The following DEPDC1 variants were observed in gnomAD, a reference collection of about 807,000 sequenced individuals.
DEPDC1 encodes DEP domain containing 1.
A neutral mutation model predicts 86.8 loss-of-function variants in DEPDC1; 66 were observed. The observed-to-expected ratio is 0.76, with a 90% CI of 0.62 to 0.93. DEPDC1 has a LOEUF of 0.93. DEPDC1 is among the 40% of genes least tolerant of loss of function. DEPDC1 has a pLI of 0.00. For missense variants in DEPDC1, 792 were observed against 935.7 expected (o/e 0.85, Z 2.00); for synonymous variants, 255 against 314.9 (o/e 0.81, Z 2.02).
chr1:68,487,458 A>G (rs1170144382), intron 5 of DEPDC1, among the ~76,000 whole-genome samples: 1 of 151,946 alleles, frequency 6.6e-6, no homozygotes, highest in Non-Finnish European at 1.5e-5. Context: ...AAATCTTTCG[A>G]GTGCCACTAA....
intron 6 of DEPDC1, among the ~76,000 whole-genome samples, chr1:68,484,954 A>ATATATATT (rs1553156028): frequency 1.4e-4 from 21 of 150,986 alleles, no homozygotes; most frequent in Admixed American, 4.0e-4. Flanking sequence ...ATATATATAT[A>ATATATATT]TTTTTTAAAG....
At position 68,486,972 on chromosome 1, in the gene DEPDC1, T is replaced by G; in HGVS notation, c.734A>C (p.His245Pro). The part of the protein sequence containing the change: ...ILQNKSDDLP[H>P]WVLSAMKCLA... ...GCACTTCATGGCAGATAATACCCAG[T>G]GAGGGAGGTCATCTACACAAAAAGA... The change falls in exon 6 of 12, where the codon CAC (histidine) becomes CCC (proline). Residue 245 changes from histidine to proline, a missense_variant. Coordinates refer to ENST00000456315, the MANE Select transcript of DEPDC1 (RefSeq NM_001114120.3). The G allele has an allele frequency of 1.9e-6, 3 of 1,598,568 alleles. No individual in the cohort carries two copies. Among genetic ancestry groups the G allele is most frequent in the Non-Finnish European group, 2.6e-6 (3 of 1,173,844 alleles).
rs1421806559 is a variant in DEPDC1 at position 68,496,624 on chromosome 1, AGCG to A, written c.48+325_48+327del. The A allele has an allele frequency of 3.4e-6, 1 of 293,286 alleles. No homozygotes were observed. The highest frequency in any genetic ancestry group is 2.2e-5 in the African/African-American group (1 of 46,226). 18.2% of individuals were successfully genotyped at this position (293,286 alleles called of 1,614,324 possible). A position where few individuals can be genotyped will look rare whatever the true frequency, so the allele number is the denominator to read the frequency against. On this transcript the variant is annotated intron_variant, in intron 1 of 11. Coordinates refer to ENST00000456315, the MANE Select transcript of DEPDC1 (RefSeq NM_001114120.3). This position sits in a 1 kb window ranked among gnomAD's most constrained non-coding sequence, Gnocchi z 4.0. ...GGCGGGTAGAAAATCAGGCGAGGTG[AGCG>A]GCCAAATCGGAATATTCTAAGACGC...
chr1:68,490,402 C>T (rs568743261), intron 2 of DEPDC1, among the ~76,000 whole-genome samples: 38 of 152,058 alleles, frequency 2.5e-4, no homozygotes, highest in Non-Finnish European at 4.3e-4. Flanking sequence ...TTGCCTCCAC[C>T]TCCATCTATG....
chr1:68,481,507 A>G lies in DEPDC1; in HGVS notation c.1868T>C (p.Met623Thr). ...AACATTTTGACTCATTCGGGAAATC[A>G]TACGCATTAAAAGTTGAAGCTTTCT... is the stretch of plus-strand genomic sequence containing the variant. ...NRRKLQLLMR[M>T]ISRMSQNVDM... The change falls in exon 9 of 12, where the codon ATG becomes ACG. Residue 623 changes from methionine to threonine, a missense_variant. Met to Thr is a moderately conservative substitution (Grantham distance 81, BLOSUM62 -1). Coordinates refer to ENST00000456315, the MANE Select transcript of DEPDC1 (RefSeq NM_001114120.3). 2 of 1,612,526 alleles carry G rather than the reference A, an allele frequency of 1.2e-6. No individual in the cohort carries two copies. Among genetic ancestry groups the G allele is most frequent in the Non-Finnish European group, 1.7e-6 (2 of 1,179,086 alleles).
intron 2 of DEPDC1, among the ~76,000 whole-genome samples, chr1:68,491,588 T>TA (rs1557622605): frequency 6.6e-6 from 1 of 151,976 alleles, no homozygotes; most frequent in Admixed American, 6.6e-5. Flanking sequence ...ACTCCTTTTT[T>TA]AAAAAAAATG....
intron 1 of DEPDC1, among the ~76,000 whole-genome samples, chr1:68,494,925 C>T (rs113533233): frequency 0.011 from 1,646 of 152,146 alleles, 32 homozygotes; most frequent in African/African-American, 0.038. Context: ...GGTGGATCAC[C>T]GGAGGTCGGG....
rs1395678207 is a variant in DEPDC1 at position 68,494,454 on chromosome 1, A to G, written c.290T>C (p.Val97Ala). Residue 97 changes from valine (V) to alanine (A), a missense_variant, in exon 2 of 12, where the codon GTT (valine) becomes GCT (alanine). Transcript: ENST00000456315. ...CCTGAAGAGCTGGTTGTTATCATCA[A>G]CATTTTCTGATCCCCACCTCCCTTT... Reference protein sequence around the residue: ...DIKGRWGSENVDDNNQLFRFP... With the variant: ...DIKGRWGSENADDNNQLFRFP... 4.3e-6 allele frequency: 7 copies of G among 1,613,538 alleles called. No individual in the cohort carries two copies. Among genetic ancestry groups the G allele is most frequent in the Admixed American group, 1.7e-5 (1 of 59,984 alleles).
intron 2 of DEPDC1, among the ~76,000 whole-genome samples, chr1:68,492,303 T>C (rs1239466095): frequency 6.6e-6 from 1 of 152,220 alleles, no homozygotes; most frequent in Non-Finnish European, 1.5e-5. Flanking sequence ...ACAGGGTATC[T>C]TTCTCCATTT....
chr1:68,482,342 A>T lies in DEPDC1; in HGVS notation c.1466T>A (p.Leu489Ter), dbSNP rs1646162401. The T allele has an allele frequency of 6.2e-7, 1 of 1,612,932 alleles. No homozygotes were observed. Among genetic ancestry groups the T allele is most frequent in the South Asian group, 1.1e-5 (1 of 91,060 alleles). The change falls in exon 8 of 12, where the codon TTG (leucine) becomes TAG (stop). Residue 489 changes from leucine (L) to a stop codon, truncating the protein, a stop_gained. Transcript: ENST00000456315. LOFTEE classifies it high-confidence loss of function. ...CAACTCCTCTTGGTCTTGAACAGTC[A>T]AAGTAGAGGTTCTCTTAAAACCAGC... ...FSAGFKRTST[L>*]TVQDQEELCN...
At position 68,493,830 on chromosome 1, in the gene DEPDC1, C is replaced by T. The variant is rs186728583; in HGVS notation, c.314+600G>A. Among the ~76,000 whole-genome samples, 18 of 152,208 alleles carry T rather than the reference C, an allele frequency of 1.2e-4. No individual in the cohort carries two copies. The East Asian group carries it at 3.5e-3, about 29-fold the overall frequency. On this transcript the variant is annotated intron_variant, in intron 2 of 11. Transcript: ENST00000456315. ...TCCCAGGCTCAAGCAGTTCTCGTGCCTCAGTCTCAGGTGTGTGCTACTACA... is the reference window on the plus strand; with the variant it reads ...TCCCAGGCTCAAGCAGTTCTCGTGCTTCAGTCTCAGGTGTGTGCTACTACA...
Position 68,482,059 on chromosome 1 carries a change from C to T in DEPDC1, c.1749G>A (p.Leu583=). The change falls in exon 8 of 12, where the codon TTG becomes TTA. Residue 583 remains leucine (L), a synonymous_variant. Coordinates refer to ENST00000456315, the MANE Select transcript of DEPDC1 (RefSeq NM_001114120.3). Reference sequence around the variant, plus strand: ...CAACAGCCTTACTTTGTGTGCCAGTCAACATAGAAGAAGCTGGAAGTAAAG... The same window carrying T: ...CAACAGCCTTACTTTGTGTGCCAGTTAACATAGAAGAAGCTGGAAGTAAAG... ...ENSLLPASSM[L]TGTQSLLQPH... The T allele has an allele frequency of 2.5e-6, 4 of 1,590,716 alleles. No homozygotes were observed. Among genetic ancestry groups the T allele is most frequent in the Non-Finnish European group, 3.4e-6 (4 of 1,171,106 alleles).
At chr1:68,490,722 C>A (rs1646223954) in intron 2 of DEPDC1, among the ~76,000 whole-genome samples, 1 of 152,040 alleles carries the variant, frequency 6.6e-6, no homozygotes, top group South Asian at 2.1e-4. Context: ...GCCCAAATAG[C>A]CAAGGCTATC....
chr1:68,489,657 C>A, intron 2 of DEPDC1, 49 bp from the exon 3 acceptor site: 1 of 1,387,884 alleles, frequency 7.2e-7, no homozygotes, highest in Non-Finnish European at 9.7e-7. Context: ...TAGAAACAAA[C>A]TTTTAGAGCC....
chr1:68,489,376 ATTTACT>A, intron 3 of DEPDC1, 70 bp downstream of exon 3: 1 of 1,068,806 alleles, frequency 9.4e-7, no homozygotes, highest in Non-Finnish European at 1.3e-6. Context: ...TTAAAGAATA[ATTTACT>A]TTTAATGATT....
At chr1:68,481,968 G>A in intron 8 of DEPDC1, 78 bp downstream of exon 8, 1 of 1,393,614 alleles carries the variant, frequency 7.2e-7, no homozygotes, top group Non-Finnish European at 9.5e-7. Flanking sequence ...CTTCAAGGAA[G>A]AAAAGCCAGG....
chr1:68,494,152 T>C (rs1646247590), intron 2 of DEPDC1, among the ~76,000 whole-genome samples: 1 of 152,210 alleles, frequency 6.6e-6, no homozygotes. Flanking sequence ...TAAAATGTTA[T>C]AAAGTGTTCA....
intron 6 of DEPDC1, 105 bp from the exon 7 acceptor site, chr1:68,484,195 T>A: frequency 1.2e-6 from 1 of 833,840 alleles, no homozygotes. Context: ...GAGCTAGGTT[T>A]AACAACAAAT....
intron 1 of DEPDC1, among the ~76,000 whole-genome samples, chr1:68,495,317 T>C (rs1384840658): frequency 6.6e-6 from 1 of 152,192 alleles, no homozygotes; most frequent in Admixed American, 6.5e-5. Flanking sequence ...CTACAATCAA[T>C]AGAGAAAACA....
Sources: gnomAD v4.1 joint callset for allele counts (sites outside exome capture counted in the v4.1 genomes callset) on GRCh38, gnomAD v4.1.1 for gene constraint, Gnocchi (gnomAD v3.1) non-coding constraint, MANE v1.5 for transcripts, NCBI Gene and HGNC (gene_info 2026-07-23, HGNC 2026-07-21) for gene names.